Variants in TRPC3 observed in about 807,000 individuals in gnomAD.
The protein encoded by TRPC3 is short transient receptor potential channel 3.
In TRPC3, 54 loss-of-function variants were observed where a neutral mutation model predicts 90.9. That is an observed-to-expected ratio of 0.59 (90% CI 0.48 to 0.75). The LOEUF (loss-of-function observed/expected upper bound fraction) is 0.75, where lower values mean the gene tolerates loss of function less well. Ranked by LOEUF, TRPC3 falls within the 30% of genes least tolerant of loss-of-function variation. The probability of loss-of-function intolerance (pLI) is 0.00; values close to 1 mark genes in which losing one functional copy is unlikely to be tolerated. For synonymous variants in TRPC3, 424 were observed against 450.9 expected (o/e 0.94, Z 0.75); for missense variants, 918 against 1,194.5 (o/e 0.77, Z 3.41).
Position 121,916,406 on chromosome 4 carries a change from A to T in TRPC3, c.1177-1462T>A, listed in dbSNP as rs1178354781. 3.9e-5 allele frequency among the ~76,000 whole-genome samples: 6 copies of T among 152,336 alleles called. No homozygotes were observed. In the East Asian group the frequency reaches 1.2e-3, roughly 29 times the overall value. ...CATGCGTACTTAACGACCCACAGAC[A>T]GAGGTGGTGAGAATAAATTTATGAA... On this transcript the variant is annotated intron_variant, in intron 3 of 11. Transcript: ENST00000379645.
At chr4:121,913,149 T>C (rs528225048) in intron 4 of TRPC3, among the ~76,000 whole-genome samples, 30 of 152,344 alleles carry the variant, frequency 2.0e-4, no homozygotes, top group African/African-American at 7.0e-4. Context: ...ACATTTTCCA[T>C]GTTAGACACA....
chr4:121,879,432 C>A lies in TRPC3; in HGVS notation c.*304G>T. ...TCCCTGTCCCCAAGGAACTGATAGT[C>A]TCTTGGAGGCAAACAGGTAGTGCAA... On this transcript the variant is annotated 3_prime_UTR_variant, in exon 12 of 12. Coordinates refer to ENST00000379645, the MANE Select transcript of TRPC3 (RefSeq NM_001130698.2). The A allele has an allele frequency of 3.6e-6, 1 of 280,298 alleles. No homozygotes were observed. The highest frequency in any genetic ancestry group is 4.0e-5 in the South Asian group (1 of 25,132). 17.4% of individuals were successfully genotyped at this position (280,298 alleles called of 1,614,324 possible).
chr4:121,921,476 C>G (rs1008936807), intron 3 of TRPC3, among the ~76,000 whole-genome samples: 1 of 137,446 alleles, frequency 7.3e-6, no homozygotes, highest in Non-Finnish European at 1.5e-5. Flanking sequence ...GAGCCGAGAT[C>G]GCGCCACTGC....
chr4:121,920,645 T>C (rs1288944386), intron 3 of TRPC3, among the ~76,000 whole-genome samples: 4 of 152,226 alleles, frequency 2.6e-5, no homozygotes, highest in Non-Finnish European at 5.9e-5. Context: ...AAATTTTTAT[T>C]CTTTGTTAGT....
intron 1 of TRPC3, among the ~76,000 whole-genome samples, chr4:121,938,649 A>T (rs1730209222): frequency 6.6e-6 from 1 of 152,244 alleles, no homozygotes. Context: ...TTCATAGATA[A>T]CAAAACTGAG....
chr4:121,910,836 AACAGTTTCCCAATG>A (rs1729057327), intron 5 of TRPC3, among the ~76,000 whole-genome samples: 1 of 152,212 alleles, frequency 6.6e-6, no homozygotes. Flanking sequence ...TAACAAGAAG[AACAGTTTCCCAATG>A]ATACTCATAT....
intron 10 of TRPC3, among the ~76,000 whole-genome samples, chr4:121,896,724 C>G (rs1006598179): frequency 1.3e-5 from 2 of 152,036 alleles, no homozygotes; most frequent in African/African-American, 2.4e-5. Flanking sequence ...GTACTCAAAG[C>G]AATCTACAGA....
At position 121,912,030 on chromosome 4, in the gene TRPC3, A is replaced by C; in HGVS notation, c.1405T>G (p.Phe469Val). Reference protein sequence around the residue: ...FVAHAASFIIFLGLLVFNASD... With the variant: ...FVAHAASFIIVLGLLVFNASD... ...GCATTGAACACAAGCAGACCCAGGA[A>C]GATGATGAAAGAAGCTGCATGTGCT... Residue 469 changes from phenylalanine (F) to valine (V), a missense_variant, in exon 5 of 12, where the codon TTC becomes GTC. By Grantham distance (50) the Phe-to-Val change is conservative (BLOSUM62 -1). Transcript: ENST00000379645. 1.2e-6 allele frequency: 2 copies of C among 1,613,932 alleles called. No individual in the cohort carries two copies. The highest frequency in any genetic ancestry group is 1.7e-6 in the Non-Finnish European group (2 of 1,179,856).
intron 1 of TRPC3, among the ~76,000 whole-genome samples, chr4:121,943,570 T>C (rs1730392377): frequency 1.3e-5 from 2 of 152,130 alleles, no homozygotes; most frequent in Admixed American, 6.6e-5. Context: ...TTTTATTATT[T>C]CAGGAAGACT....
At chr4:121,933,115 T>C (rs1560714585) in intron 1 of TRPC3, 73 bp from the exon 2 acceptor site, 4 of 1,487,252 alleles carry the variant, frequency 2.7e-6, no homozygotes, top group Non-Finnish European at 3.6e-6. Flanking sequence ...TCAGGGCCCT[T>C]TCTGGAATAC....
At chr4:121,895,910 A>G (rs912709146) in intron 10 of TRPC3, among the ~76,000 whole-genome samples, 3 of 152,142 alleles carry the variant, frequency 2.0e-5, no homozygotes, top group African/African-American at 7.2e-5. Context: ...TCCCTGATGA[A>G]CATAGATGTA....
At chr4:121,896,493 A>G (rs977082909) in intron 10 of TRPC3, among the ~76,000 whole-genome samples, 10 of 152,166 alleles carry the variant, frequency 6.6e-5, no homozygotes, top group African/African-American at 1.7e-4. Context: ...ACATACAAAA[A>G]TCAGTTGCAT....
intron 7 of TRPC3, 36 bp from the exon 8 acceptor site, chr4:121,904,553 A>C (rs753952634): frequency 2.7e-6 from 4 of 1,467,292 alleles, no homozygotes; most frequent in Non-Finnish European, 3.6e-6. Context: ...AAGTAAGTTA[A>C]CAGTTTTCAA....
At chr4:121,917,047 C>G (rs577941054) in intron 3 of TRPC3, among the ~76,000 whole-genome samples, 22 of 152,194 alleles carry the variant, frequency 1.4e-4, no homozygotes, top group African/African-American at 4.1e-4. Flanking sequence ...ATAAACCACC[C>G]AGCCTATGGT....
chr4:121,928,093 G>A (rs775876335), intron 2 of TRPC3, among the ~76,000 whole-genome samples: 2 of 152,146 alleles, frequency 1.3e-5, no homozygotes, highest in Non-Finnish European at 2.9e-5. Flanking sequence ...GAAATAAAAA[G>A]AGGCTACCTT....
intron 2 of TRPC3, among the ~76,000 whole-genome samples, chr4:121,925,971 T>C (rs1368866363): frequency 1.3e-5 from 2 of 152,240 alleles, no homozygotes; most frequent in African/African-American, 2.4e-5. Context: ...TTTTCTATAA[T>C]GGCAATTTTT....
chr4:121,904,645 G>T, intron 7 of TRPC3, 128 bp from the exon 8 acceptor site: 1 of 544,840 alleles, frequency 1.8e-6, no homozygotes, highest in Non-Finnish European at 3.0e-6. Flanking sequence ...TACTCCAAGA[G>T]CAGGATTACT....
chr4:121,904,642 A>G, intron 7 of TRPC3, 125 bp from the exon 8 acceptor site: 1 of 554,364 alleles, frequency 1.8e-6, no homozygotes, highest in Non-Finnish European at 2.9e-6. Context: ...ATATACTCCA[A>G]GAGCAGGATT....
At chr4:121,892,304 G>A (rs12502635) in intron 10 of TRPC3, among the ~76,000 whole-genome samples, 36,209 of 152,136 alleles carry the variant, frequency 0.24, 5,133 homozygotes, top group Non-Finnish European at 0.31. Context: ...TTTGGCACAT[G>A]GCCACTTGAA....
Sources: allele counts gnomAD v4.1 joint callset (sites outside exome capture counted in the v4.1 genomes callset), GRCh38; gene constraint gnomAD v4.1.1; transcripts MANE v1.5; gene names NCBI Gene and HGNC (gene_info 2026-07-23, HGNC 2026-07-21).